SAMD5: variants seen among roughly 807,000 people sequenced by gnomAD.
SAMD5 encodes the protein sterile alpha motif domain-containing protein 5.
A neutral mutation model predicts 11.3 loss-of-function variants in SAMD5; 13 were observed. That is an observed-to-expected ratio of 1.15 (90% confidence interval 0.75 to 1.83). The LOEUF (loss-of-function observed/expected upper bound fraction) is 1.83, where lower values mean the gene tolerates loss of function less well. Among genes scored for constraint, SAMD5 ranks in the 40% most tolerant of loss-of-function variants. The probability of loss-of-function intolerance (pLI) is 0.00; values close to 1 mark genes in which losing one functional copy is unlikely to be tolerated. For missense variants in SAMD5, 255 were observed against 239.1 expected (o/e 1.07, Z -0.44); for synonymous variants, 129 against 111.3 (o/e 1.16, Z -1.00).
chr6:147,788,208 T>C, the SAMD5 span, among the ~76,000 whole-genome samples: 1 of 152,216 alleles, frequency 6.6e-6, no homozygotes, highest in East Asian at 1.9e-4. Context: ...AATGTTTACA[T>C]TGAAACAGAA....
chr6:147,784,658 T>C, the SAMD5 span, among the ~76,000 whole-genome samples: 1 of 152,234 alleles, frequency 6.6e-6, no homozygotes, highest in Non-Finnish European at 1.5e-5. Flanking sequence ...AATGGTGCTG[T>C]CTAATGCCAG....
At chr6:147,654,062 C>CT (rs1273310495) in intron 1 of SAMD5, among the ~76,000 whole-genome samples, 1 of 152,108 alleles carries the variant, frequency 6.6e-6, no homozygotes, top group African/African-American at 2.4e-5. Context: ...GCCTTTTTGT[C>CT]TTTTTTCCTT....
intron 1 of SAMD5, among the ~76,000 whole-genome samples, chr6:147,734,397 A>G (rs1455869549): frequency 2.0e-5 from 3 of 152,150 alleles, no homozygotes; most frequent in African/African-American, 4.8e-5. Flanking sequence ...TGTCTGCTTT[A>G]TGTATCCTTG....
At position 147,569,400 on chromosome 6, in the gene SAMD5, A is replaced by T; in HGVS notation, c.*4944A>T. Reference sequence around the variant, plus strand: ...GAGGCTAAATTCCATGTTAAGAGCTAAGTAGTATTTTTTTCTTAACAATTT... The same window carrying T: ...GAGGCTAAATTCCATGTTAAGAGCTTAGTAGTATTTTTTTCTTAACAATTT... On this transcript the variant is annotated 3_prime_UTR_variant, in exon 2 of 2. Coordinates refer to ENST00000367474, the MANE Select transcript of SAMD5 (RefSeq NM_001030060.3). 1.0e-6 allele frequency: 1 copy of T among 959,182 alleles called. No homozygotes were observed. Among genetic ancestry groups the T allele is most frequent in the Non-Finnish European group, 1.2e-6 (1 of 806,022 alleles). 59.4% of individuals were successfully genotyped at this position (959,182 alleles called of 1,614,324 possible).
At chr6:147,953,148 T>A in the SAMD5 span, among the ~76,000 whole-genome samples, 1 of 152,196 alleles carries the variant, frequency 6.6e-6, no homozygotes, top group Admixed American at 6.5e-5. Context: ...GTTTACTTTG[T>A]CAATAATCCT....
At chr6:147,560,035 A>G (rs702337) in intron 1 of SAMD5, among the ~76,000 whole-genome samples, 72,509 of 152,046 alleles carry the variant, frequency 0.48, 17,797 homozygotes, top group East Asian at 0.65. Context: ...GACTTTCTAG[A>G]CTAAACTTTT....
the SAMD5 span, among the ~76,000 whole-genome samples, chr6:147,778,656 A>G: frequency 1.3e-5 from 2 of 152,112 alleles, no homozygotes; most frequent in Admixed American, 1.3e-4. Context: ...CTTGGTTCAA[A>G]TGTTACCTGC....
the SAMD5 span, among the ~76,000 whole-genome samples, chr6:147,792,601 C>T: frequency 6.6e-6 from 1 of 152,074 alleles, no homozygotes; most frequent in Non-Finnish European, 1.5e-5. Flanking sequence ...CACCTAGTGC[C>T]CAGATCTTAG....
At chr6:147,520,634 A>G (rs1382481514) in intron 1 of SAMD5, among the ~76,000 whole-genome samples, 1 of 152,226 alleles carries the variant, frequency 6.6e-6, no homozygotes, top group Non-Finnish European at 1.5e-5. Flanking sequence ...TATGTTTTAT[A>G]CTGATACACA....
At chr6:147,674,354 C>A (rs1790834802) in intron 1 of SAMD5, among the ~76,000 whole-genome samples, 1 of 152,176 alleles carries the variant, frequency 6.6e-6, no homozygotes, top group South Asian at 2.1e-4. Flanking sequence ...AGTTCTCTCC[C>A]AGGCTTTAAA....
intron 1 of SAMD5, chr6:147,733,717 C>G (rs1175191345): frequency 1.4e-6 from 1 of 734,340 alleles, no homozygotes; most frequent in Non-Finnish European, 1.7e-6. Context: ...CGCTGTGATT[C>G]ATGTTTTCTA....
At chr6:147,838,194 A>G in the SAMD5 span, among the ~76,000 whole-genome samples, 1 of 152,210 alleles carries the variant, frequency 6.6e-6, no homozygotes, top group Non-Finnish European at 1.5e-5. Context: ...AATTTCAGCA[A>G]GTATGGAACA....
chr6:147,888,916 C>G, the SAMD5 span, among the ~76,000 whole-genome samples: 1 of 151,480 alleles, frequency 6.6e-6, no homozygotes, highest in Admixed American at 6.6e-5. Context: ...TTCTTTTTCT[C>G]TCTGCTTTCA....
chr6:147,802,396 A>G, the SAMD5 span, among the ~76,000 whole-genome samples: 1 of 150,952 alleles, frequency 6.6e-6, no homozygotes, highest in African/African-American at 2.4e-5. Context: ...AAAATTAAAA[A>G]GACGAATAGC....
the SAMD5 span, among the ~76,000 whole-genome samples, chr6:147,944,107 TC>T: frequency 6.6e-6 from 1 of 152,146 alleles, no homozygotes; most frequent in Non-Finnish European, 1.5e-5. Context: ...GCAGCTTCCA[TC>T]CAATTTTCCC....
intron 1 of SAMD5, among the ~76,000 whole-genome samples, chr6:147,726,894 T>G (rs1013563130): frequency 7.2e-5 from 11 of 152,220 alleles, no homozygotes; most frequent in African/African-American, 2.4e-4. Context: ...AGATCTGCCT[T>G]ACTTCTTCTG....
intron 1 of SAMD5, among the ~76,000 whole-genome samples, chr6:147,679,957 T>C (rs752076785): frequency 6.6e-6 from 1 of 152,072 alleles, no homozygotes; most frequent in Non-Finnish European, 1.5e-5. Context: ...GTTCCATTAA[T>C]TTATTTGTCT....
At chr6:147,715,317 A>C (rs905175469) in intron 1 of SAMD5, among the ~76,000 whole-genome samples, 1 of 152,224 alleles carries the variant, frequency 6.6e-6, no homozygotes, top group Non-Finnish European at 1.5e-5. Context: ...GTGCACAGCC[A>C]GGCACACTGG....
intron 1 of SAMD5, among the ~76,000 whole-genome samples, chr6:147,561,429 A>G (rs1395094368): frequency 6.6e-6 from 1 of 152,136 alleles, no homozygotes; most frequent in Admixed American, 6.5e-5. Context: ...CTACCTTGTG[A>G]TCTGCCTGCC....
Sources: gnomAD v4.1 joint callset for allele counts (sites outside exome capture counted in the v4.1 genomes callset) on GRCh38, gnomAD v4.1.1 for gene constraint, MANE v1.5 for transcripts, NCBI Gene and HGNC (gene_info 2026-07-23, HGNC 2026-07-21) for gene names.